The following TBC1D1 variants were observed in gnomAD, a reference collection of about 807,000 sequenced individuals.
TBC1D1 encodes the protein TBC1 (tre-2/USP6, BUB2, cdc16) domain family, member 1.
Under a neutral mutation model 125.6 loss-of-function variants are expected in TBC1D1, and 89 were observed. The observed-to-expected ratio is 0.71, with a 90% confidence interval of 0.60 to 0.85. The LOEUF is 0.85. Among genes scored for constraint, TBC1D1 ranks in the 40% least tolerant of loss-of-function variants. The pLI is 0.00. For synonymous variants in TBC1D1, 565 were observed against 564.1 expected, an observed-to-expected ratio of 1.00 and a Z score of -0.02; for missense variants, 1,377 against 1,469.2, an observed-to-expected ratio of 0.94 and a Z score of 1.03.
intron 10 of TBC1D1, 60 bp downstream of exon 10, chr4:38,045,963 C>A: frequency 2.1e-6 from 3 of 1,414,922 alleles, no homozygotes; most frequent in African/African-American, 1.4e-5. Context: ...TCTTGCTCAT[C>A]TCCTGTCTAC....
chr4:37,915,564 T>C (rs1719555093), intron 2 of TBC1D1, among the ~76,000 whole-genome samples: 1 of 152,224 alleles, frequency 6.6e-6, no homozygotes, highest in African/African-American at 2.4e-5. Context: ...AAATATATAC[T>C]TTAACATTGG....
chr4:38,075,194 A>G (rs946194188), intron 12 of TBC1D1, among the ~76,000 whole-genome samples: 1 of 152,236 alleles, frequency 6.6e-6, no homozygotes, highest in Non-Finnish European at 1.5e-5. Flanking sequence ...TGTCCACTTT[A>G]AGTCATAAAA....
At chr4:38,109,213 A>G (rs1244779887) in intron 15 of TBC1D1, among the ~76,000 whole-genome samples, 1 of 152,200 alleles carries the variant, frequency 6.6e-6, no homozygotes, top group Non-Finnish European at 1.5e-5. Context: ...GGTCAGTTGA[A>G]CAATCACAGT....
intron 4 of TBC1D1, among the ~76,000 whole-genome samples, chr4:38,020,050 G>T (rs1043580950): frequency 5.3e-5 from 8 of 151,732 alleles, no homozygotes; most frequent in Non-Finnish European, 8.8e-5. Context: ...ACTAAAACTT[G>T]AATTTTCAGA....
At position 38,014,806 on chromosome 4, in the gene TBC1D1, C is replaced by CCCGG; in HGVS notation, c.718_721dup (p.Leu241ArgfsTer8). The stretch of plus-strand genomic sequence containing the variant: ...GCCCATGCGCAAGTCCTTCTCCCAG[C>CCCGG]CCGGCCTGCGCTCGCTGGCCTTTAG... On this transcript the variant is annotated frameshift_variant, in exon 3 of 20. Transcript: ENST00000261439. LOFTEE classifies it high-confidence loss of function. This position sits in a 1 kb window ranked among gnomAD's most constrained non-coding sequence, Gnocchi z 5.1. 2 of 1,610,848 alleles carry CCCGG rather than the reference C, an allele frequency of 1.2e-6. No homozygotes were observed. The highest frequency in any genetic ancestry group is 1.7e-6 in the Non-Finnish European group (2 of 1,178,038).
intron 2 of TBC1D1, among the ~76,000 whole-genome samples, chr4:37,923,239 A>C (rs569468496): frequency 6.6e-6 from 1 of 152,234 alleles, no homozygotes; most frequent in East Asian, 1.9e-4. Context: ...TTTGCTGAGC[A>C]TGATGGTTTC....
chr4:38,054,598 G>C (rs535006618), intron 12 of TBC1D1, among the ~76,000 whole-genome samples: 1 of 152,282 alleles, frequency 6.6e-6, no homozygotes, highest in Admixed American at 6.5e-5. Context: ...GTTAACCAGC[G>C]GTGAATCCAG....
At chr4:38,028,572 T>C (rs1255926933) in intron 7 of TBC1D1, among the ~76,000 whole-genome samples, 2 of 152,242 alleles carry the variant, frequency 1.3e-5, no homozygotes, top group Non-Finnish European at 2.9e-5. Flanking sequence ...CACAGTCTCA[T>C]AGAGTGTCCA....
At chr4:37,978,098 A>G (rs1047484164) in intron 2 of TBC1D1, among the ~76,000 whole-genome samples, 1 of 152,112 alleles carries the variant, frequency 6.6e-6, no homozygotes, top group Non-Finnish European at 1.5e-5. Context: ...ATTCCCACAA[A>G]GTTTTATTTT....
At chr4:38,132,734 CAG>C in intron 18 of TBC1D1, 1 of 172,412 alleles carries the variant, frequency 5.8e-6, no homozygotes. Flanking sequence ...TCTAACCTAA[CAG>C]AATTTTCAGA....
In TBC1D1 at chr4:38,039,104, C is replaced by CTTTTTTTTTTTTTTT. The variant is rs776941680; in HGVS notation, c.1413+3423_1413+3437dup. Among the ~76,000 whole-genome samples the CTTTTTTTTTTTTTTT allele has an allele frequency of 3.5e-4, 18 of 51,584 alleles. 5 individuals are homozygous for CTTTTTTTTTTTTTTT. The highest frequency in any genetic ancestry group is 6.8e-4 in the Admixed American group (2 of 2,962). 33.8% of individuals were successfully genotyped at this position (51,584 alleles called of 152,430 possible). ...AATTTCTTATAAATGGCATCATACT[C>CTTTTTTTTTTTTTTT]TTTTTTTTTTTTTTTTTTTTTTTTT... On this transcript the variant is annotated intron_variant, in intron 8 of 19. Transcript: ENST00000261439.
chr4:38,103,340 C>A (rs957507054), intron 15 of TBC1D1, among the ~76,000 whole-genome samples, 183 bp downstream of exon 17: 23 of 152,198 alleles, frequency 1.5e-4, no homozygotes, highest in African/African-American at 5.1e-4. Flanking sequence ...ATATAAAAAT[C>A]TCTGTATTTT....
At chr4:37,986,895 A>G (rs1735587282) in intron 2 of TBC1D1, among the ~76,000 whole-genome samples, 2 of 152,150 alleles carry the variant, frequency 1.3e-5, no homozygotes, top group African/African-American at 4.8e-5. Context: ...AGGACCAACC[A>G]GTTGTGTTAA....
At chr4:37,961,989 T>C (rs1730149815) in intron 2 of TBC1D1, among the ~76,000 whole-genome samples, 1 of 152,244 alleles carries the variant, frequency 6.6e-6, no homozygotes, top group Non-Finnish European at 1.5e-5. Context: ...GGAGAAGGTT[T>C]AAGTTTAAAA....
chr4:38,092,845 C>T (rs1276538959), intron 13 of TBC1D1, among the ~76,000 whole-genome samples: 2 of 152,084 alleles, frequency 1.3e-5, no homozygotes, highest in Non-Finnish European at 2.9e-5. Context: ...AGGAACCAGC[C>T]CTGGACCGAA....
chr4:38,049,646 T>A lies in TBC1D1; in HGVS notation c.1658T>A (p.Leu553Ter). The stretch of plus-strand genomic sequence containing the variant: ...CCATCTGTGTGTGAAAAGGAGGCCT[T>A]GCCCATCTCTGAGAGCTCCTTTAAG... Residue 553 changes from leucine to a stop codon, truncating the protein, a stop_gained, in exon 11 of 20, where the codon TTG (leucine) becomes TAG (stop). Coordinates refer to ENST00000261439, the MANE Select transcript of TBC1D1 (RefSeq NM_015173.4). LOFTEE classifies it high-confidence loss of function. 1 of 1,612,238 alleles carries A rather than the reference T, an allele frequency of 6.2e-7. No individual in the cohort carries two copies. Among genetic ancestry groups the A allele is most frequent in the Non-Finnish European group, 8.5e-7 (1 of 1,178,602 alleles).
intron 6 of TBC1D1, among the ~76,000 whole-genome samples, chr4:38,022,002 T>G (rs1744144283): frequency 6.6e-6 from 1 of 152,224 alleles, no homozygotes; most frequent in Admixed American, 6.5e-5. Flanking sequence ...CCAAACCGGT[T>G]GCCTAGTGTT....
At chr4:38,054,464 C>CA in intron 12 of TBC1D1, 126 bp downstream of exon 14, 1 of 1,221,796 alleles carries the variant, frequency 8.2e-7, no homozygotes, top group Non-Finnish European at 1.1e-6. Context: ...GAGGCAATCA[C>CA]AAAGGTAACT....
At chr4:38,080,805 G>A (rs1756412343) in intron 12 of TBC1D1, among the ~76,000 whole-genome samples, 1 of 152,172 alleles carries the variant, frequency 6.6e-6, no homozygotes, top group Non-Finnish European at 1.5e-5. Context: ...GGCCTGCTCA[G>A]CTGTCTCCTT....
Sources: gnomAD v4.1 joint callset for allele counts (sites outside exome capture counted in the v4.1 genomes callset) on GRCh38, gnomAD v4.1.1 for gene constraint, Gnocchi (gnomAD v3.1) non-coding constraint, MANE v1.5 for transcripts, NCBI Gene and HGNC (gene_info 2026-07-23, HGNC 2026-07-21) for gene names.